NNT: variants seen among roughly 807,000 people sequenced by gnomAD.
NNT encodes NAD(P) transhydrogenase, mitochondrial.
Under a neutral mutation model 104.8 loss-of-function variants are expected in NNT, and 50 were observed. That is an observed-to-expected ratio of 0.48 (90% confidence interval 0.38 to 0.60). The LOEUF (loss-of-function observed/expected upper bound fraction) is 0.60. Ranked by LOEUF, NNT falls within the 20% of genes least tolerant of loss-of-function variation. The probability of loss-of-function intolerance (pLI) is 0.00; values close to 1 mark genes in which losing one functional copy is unlikely to be tolerated. For synonymous variants in NNT, 461 were observed against 490.4 expected, an observed-to-expected ratio of 0.94 and a Z score of 0.79; for missense variants, 1,131 against 1,330.7, an observed-to-expected ratio of 0.85 and a Z score of 2.33.
intron 11 of NNT, among the ~76,000 whole-genome samples, chr5:43,650,250 T>C (rs1287665224): frequency 1.3e-5 from 2 of 152,254 alleles, no homozygotes; most frequent in Non-Finnish European, 2.9e-5. Context: ...GTTAACCCTT[T>C]TCCCACAGTA....
intron 1 of NNT, among the ~76,000 whole-genome samples, chr5:43,606,763 G>A (rs1359992211): frequency 5.3e-5 from 8 of 152,054 alleles, no homozygotes; most frequent in Admixed American, 5.2e-4. Context: ...CTACTTTGTA[G>A]TGTTATTATT....
In NNT at chr5:43,670,816, G is replaced by A. The variant is rs58591233; in HGVS notation, c.2635-4695G>A. ...TATTAGGTCCTGTTGGTGCAGAGTCGCGTTAAACTCCTGGATATCCTTGTT... is the reference window on the plus strand; with the variant it reads ...TATTAGGTCCTGTTGGTGCAGAGTCACGTTAAACTCCTGGATATCCTTGTT... On this transcript the variant is annotated intron_variant, in intron 17 of 21. Coordinates refer to ENST00000344920, the MANE Select transcript of NNT (RefSeq NM_182977.3). Among the ~76,000 whole-genome samples the A allele has an allele frequency of 4.4e-3, 670 of 152,282 alleles. 17 individuals carry two copies. The East Asian group carries it at 0.045, about 10-fold the overall frequency.
chr5:43,653,244 G>A, intron 14 of NNT, 31 bp downstream of exon 14: 1 of 1,563,434 alleles, frequency 6.4e-7, no homozygotes, highest in South Asian at 1.2e-5. Context: ...GCCTTCATGT[G>A]AACTCCAGTT....
intron 20 of NNT, 41 bp from the exon 21 acceptor site, chr5:43,702,580 A>G: frequency 4.8e-6 from 6 of 1,251,872 alleles, no homozygotes; most frequent in East Asian, 2.6e-5. Flanking sequence ...AAAAGTGACC[A>G]TTTGAGTTTT....
intron 7 of NNT, among the ~76,000 whole-genome samples, chr5:43,636,010 G>A (rs1464615935): frequency 6.6e-6 from 1 of 152,108 alleles, no homozygotes; most frequent in Non-Finnish European, 1.5e-5. Context: ...TGTTTAATCT[G>A]TTCATTGGAA....
chr5:43,629,372 CGTT>C (rs1750555121), intron 7 of NNT, among the ~76,000 whole-genome samples: 1 of 152,000 alleles, frequency 6.6e-6, no homozygotes, highest in African/African-American at 2.4e-5. Context: ...TTTATCTACT[CGTT>C]GGTTGATGCG....
intron 19 of NNT, among the ~76,000 whole-genome samples, chr5:43,683,408 T>C (rs1052620118): frequency 6.6e-6 from 1 of 152,220 alleles, no homozygotes; most frequent in Admixed American, 6.5e-5. Context: ...GCCTGTGCTT[T>C]AGGTGCTTTG....
At chr5:43,698,863 CAT>C (rs1025776339) in intron 19 of NNT, among the ~76,000 whole-genome samples, 8 of 149,912 alleles carry the variant, frequency 5.3e-5, no homozygotes, top group South Asian at 2.1e-4. Context: ...CACACACACA[CAT>C]ATATATGTAG....
At chr5:43,693,324 G>T (rs13177579) in intron 19 of NNT, among the ~76,000 whole-genome samples, 11,093 of 152,118 alleles carry the variant, frequency 0.073, 564 homozygotes, top group East Asian at 0.2. Flanking sequence ...GCTTAAACCT[G>T]CATATGAAAA....
intron 10 of NNT, chr5:43,645,766 G>C (rs1299073974): frequency 7.5e-6 from 1 of 133,212 alleles, no homozygotes; most frequent in African/African-American, 2.9e-5. Context: ...CCAGGCTGGA[G>C]TGCAGTGGCG....
intron 17 of NNT, among the ~76,000 whole-genome samples, chr5:43,666,185 C>G (rs1165780834): frequency 1.3e-5 from 2 of 152,146 alleles, no homozygotes; most frequent in South Asian, 4.1e-4. Context: ...ACTTCCTAGA[C>G]GGGGTGGTGG....
intron 7 of NNT, among the ~76,000 whole-genome samples, chr5:43,640,168 A>G (rs1751151752): frequency 6.6e-6 from 1 of 151,806 alleles, no homozygotes; most frequent in Non-Finnish European, 1.5e-5. Context: ...TTTCTCTTTT[A>G]TATCTAGGTC....
chr5:43,637,601 T>C (rs10462053), intron 7 of NNT, among the ~76,000 whole-genome samples: 5,125 of 152,196 alleles, frequency 0.034, 134 homozygotes, highest in East Asian at 0.12. Flanking sequence ...CCTTCATGCT[T>C]TCCTCTCTGA....
chr5:43,639,326 A>G (rs1751099381), intron 7 of NNT, among the ~76,000 whole-genome samples: 1 of 152,176 alleles, frequency 6.6e-6, no homozygotes, highest in African/African-American at 2.4e-5. Flanking sequence ...AATCACAGCC[A>G]TATGTGCATA....
intron 11 of NNT, among the ~76,000 whole-genome samples, chr5:43,649,991 T>C (rs1739670943): frequency 6.6e-6 from 1 of 152,222 alleles, no homozygotes; most frequent in South Asian, 2.1e-4. Context: ...GCTTCGAGGA[T>C]CTCTGCAGGG....
chr5:43,625,609 A>G (rs972294892), intron 6 of NNT, among the ~76,000 whole-genome samples: 7 of 152,120 alleles, frequency 4.6e-5, no homozygotes, highest in African/African-American at 1.7e-4. Flanking sequence ...TAAATATCCT[A>G]AAAACTTACA....
rs950455474 is a variant in NNT, at chr5:43,706,032, TA to T, written c.*1633del. ...GGTAGTTCCTGCACTCAGTTTAAAC[TA>T]AAAATAATCATACTTGGATTTTATT... is the stretch of plus-strand genomic sequence containing the variant. On this transcript the variant is annotated 3_prime_UTR_variant, in exon 22 of 22. Coordinates refer to ENST00000344920, the MANE Select transcript of NNT (RefSeq NM_182977.3). The T allele has an allele frequency of 6.6e-6, 1 of 151,946 alleles. No individual in the cohort carries two copies. Among genetic ancestry groups the T allele is most frequent in the Non-Finnish European group, 1.5e-5 (1 of 67,924 alleles). 9.4% of individuals were successfully genotyped at this position (151,946 alleles called of 1,614,324 possible).
At chr5:43,699,974 G>C in intron 19 of NNT, 145 bp from the exon 20 acceptor site, 1 of 541,498 alleles carries the variant, frequency 1.8e-6, no homozygotes, top group Non-Finnish European at 3.3e-6. Flanking sequence ...CTGGACTACT[G>C]CTGTTTCATT....
chr5:43,605,978 T>C (rs1749208220), intron 1 of NNT, among the ~76,000 whole-genome samples: 1 of 152,192 alleles, frequency 6.6e-6, no homozygotes, highest in Admixed American at 6.5e-5. Context: ...GGCCATGAAA[T>C]AGGACTTCAG....
Sources: allele counts gnomAD v4.1 joint callset (sites outside exome capture counted in the v4.1 genomes callset), GRCh38; gene constraint gnomAD v4.1.1; transcripts MANE v1.5; gene names NCBI Gene and HGNC (gene_info 2026-07-23, HGNC 2026-07-21).